ABTB2: variants seen among roughly 807,000 people sequenced by gnomAD.
ABTB2 encodes the protein ankyrin repeat and BTB domain containing 2.
ABTB2 carries 56 observed loss-of-function variants against 104.1 expected under a neutral mutation model. The ratio of observed to expected loss-of-function variants is 0.54; its 90% CI spans 0.43 to 0.67. The LOEUF is 0.67. Ranked by LOEUF, ABTB2 falls within the 30% of genes least tolerant of loss-of-function variation. The pLI is 0.00. For missense variants in ABTB2, 1,279 were observed against 1,407.7 expected (o/e 0.91, Z 1.46); for synonymous variants, 606 against 608.2 (o/e 1.00, Z 0.05).
chr11:34,335,525 A>G (rs1590260891), intron 1 of ABTB2: 3 of 1,166,078 alleles, frequency 2.6e-6, no homozygotes, highest in African/African-American at 1.5e-5. Context: ...GTGATTCAAA[A>G]TCTTTTCGCC....
intron 1 of ABTB2, among the ~76,000 whole-genome samples, chr11:34,316,199 C>T (rs1477646027): frequency 6.6e-6 from 1 of 152,208 alleles, no homozygotes; most frequent in Non-Finnish European, 1.5e-5. Flanking sequence ...TCACTGACAG[C>T]ACCCAACGTG....
At chr11:34,322,592 A>T (rs1199638047) in intron 1 of ABTB2, among the ~76,000 whole-genome samples, 6 of 151,926 alleles carry the variant, frequency 3.9e-5, no homozygotes, top group South Asian at 2.1e-4. Context: ...TAAATAAATA[A>T]ATATATAAAT....
intron 1 of ABTB2, among the ~76,000 whole-genome samples, chr11:34,268,701 A>G (rs1010303322): frequency 6.6e-6 from 1 of 152,206 alleles, no homozygotes; most frequent in Non-Finnish European, 1.5e-5. Flanking sequence ...CCTGGAGGCA[A>G]GAAGTCTGAA....
chr11:34,160,974 C>T lies in ABTB2; in HGVS notation c.2326G>A (p.Glu776Lys). The change falls in exon 11 of 17, where the codon GAG (glutamate) becomes AAG (lysine). Residue 776 changes from glutamate to lysine, a missense_variant. Glu to Lys is a moderately conservative substitution (Grantham distance 56). Transcript: ENST00000435224. Reference sequence around the variant, plus strand: ...ACCAGCTCCTCGTTGTACTCCTCCTCTCTGATGGAGCTGAAGTCCCGCAGG... The same window carrying T: ...ACCAGCTCCTCGTTGTACTCCTCCTTTCTGATGGAGCTGAAGTCCCGCAGG... ...SLLRDFSSIR[E>K]EEYNEELVTE... is the part of the protein sequence containing the mutation. The T allele has an allele frequency of 1.2e-6, 2 of 1,613,842 alleles. No homozygotes were observed. Among genetic ancestry groups the T allele is most frequent in the Non-Finnish European group, 1.7e-6 (2 of 1,179,920 alleles).
intron 1 of ABTB2, among the ~76,000 whole-genome samples, chr11:34,324,344 CTAT>C (rs1564932584): frequency 1.3e-5 from 2 of 152,306 alleles, no homozygotes; most frequent in East Asian, 3.9e-4. Context: ...TTTCCAGCCC[CTAT>C]TCCTGGGCCC....
chr11:34,157,520 G>A (rs1852646443), intron 14 of ABTB2, among the ~76,000 whole-genome samples: 2 of 152,290 alleles, frequency 1.3e-5, no homozygotes, highest in African/African-American at 2.4e-5. Flanking sequence ...AGTCTCCAGC[G>A]ATCCCTGTAG....
At chr11:34,164,019 G>A (rs953170936) in intron 9 of ABTB2, among the ~76,000 whole-genome samples, 3 of 152,166 alleles carry the variant, frequency 2.0e-5, no homozygotes, top group East Asian at 1.9e-4. Context: ...AGCATTCTAG[G>A]GGAGGGGACC....
At chr11:34,309,699 C>A (rs1854827361) in intron 1 of ABTB2, among the ~76,000 whole-genome samples, 1 of 151,328 alleles carries the variant, frequency 6.6e-6, no homozygotes. Context: ...AAAAGAAAAA[C>A]AAACTTTTGG....
At chr11:34,174,198 G>A (rs973188699) in intron 3 of ABTB2, among the ~76,000 whole-genome samples, 4 of 152,064 alleles carry the variant, frequency 2.6e-5, no homozygotes, top group Non-Finnish European at 4.4e-5. Flanking sequence ...GGTGGCGGGC[G>A]CCTGTAGTCC....
intron 1 of ABTB2, among the ~76,000 whole-genome samples, chr11:34,303,047 A>G (rs76355924): frequency 0.02 from 3,079 of 152,208 alleles, 88 homozygotes; most frequent in African/African-American, 0.07. Flanking sequence ...CAGGCCTTTG[A>G]TTTTAGGCAG....
At chr11:34,195,088 T>TGGGGGG (rs1565137708) in intron 3 of ABTB2, among the ~76,000 whole-genome samples, 2 of 33,250 alleles carry the variant, frequency 6.0e-5, no homozygotes, top group Non-Finnish European at 1.5e-4. Context: ...GGGGGGGGAG[T>TGGGGGG]GGGGGCGGGA....
chr11:34,339,229 C>T (rs145877905), intron 1 of ABTB2, among the ~76,000 whole-genome samples: 20 of 152,292 alleles, frequency 1.3e-4, no homozygotes, highest in African/African-American at 4.8e-4. Flanking sequence ...TGAGAACCTG[C>T]ACCCAGTCTA....
chr11:34,211,926 G>C (rs1271307019), intron 1 of ABTB2, among the ~76,000 whole-genome samples: 1 of 145,950 alleles, frequency 6.9e-6, no homozygotes, highest in Non-Finnish European at 1.5e-5. Context: ...AAAAAAAAAG[G>C]ATAATCAAAA....
intron 5 of ABTB2, among the ~76,000 whole-genome samples, chr11:34,169,814 T>C (rs1852845482): frequency 6.6e-6 from 1 of 151,682 alleles, no homozygotes; most frequent in Non-Finnish European, 1.5e-5. Context: ...CCTTCCTGAC[T>C]CCTCTCTGCT....
chr11:34,236,526 A>G (rs953921992), intron 1 of ABTB2, among the ~76,000 whole-genome samples: 1 of 152,208 alleles, frequency 6.6e-6, no homozygotes, highest in East Asian at 1.9e-4. Context: ...CATTTTAAGC[A>G]GCAGATTTTA....
chr11:34,201,817 G>A (rs1267413566), intron 2 of ABTB2, among the ~76,000 whole-genome samples: 1 of 152,238 alleles, frequency 6.6e-6, no homozygotes, highest in African/African-American at 2.4e-5. Context: ...AAAAGATGCT[G>A]TAAGGAGGCT....
intron 1 of ABTB2, among the ~76,000 whole-genome samples, chr11:34,272,284 T>C (rs1363146602): frequency 2.3e-5 from 3 of 127,706 alleles, no homozygotes; most frequent in Non-Finnish European, 4.7e-5. Context: ...GAAATAATTA[T>C]AGAGTCACAG....
At chr11:34,352,296 T>A (rs1855408292) in intron 1 of ABTB2, among the ~76,000 whole-genome samples, 1 of 152,198 alleles carries the variant, frequency 6.6e-6, no homozygotes, top group African/African-American at 2.4e-5. Context: ...GGCCTAAAGG[T>A]CCTTAGTAGT....
intron 1 of ABTB2, among the ~76,000 whole-genome samples, chr11:34,324,634 G>A (rs1048631287): frequency 6.6e-6 from 1 of 152,200 alleles, no homozygotes; most frequent in Non-Finnish European, 1.5e-5. Context: ...CAGACCACTG[G>A]ATCAGCCTCC....
Sources: gnomAD v4.1 joint callset for allele counts (sites outside exome capture counted in the v4.1 genomes callset) on GRCh38, gnomAD v4.1.1 for gene constraint, MANE v1.5 for transcripts, NCBI Gene and HGNC (gene_info 2026-07-23, HGNC 2026-07-21) for gene names.